Variants in SLC22A3 observed in about 807,000 individuals in gnomAD.
The protein encoded by SLC22A3 is solute carrier family 22 member 3.
SLC22A3 carries 51 observed loss-of-function variants against 59.1 expected under a neutral mutation model. That is an observed-to-expected ratio of 0.86 (90% CI 0.69 to 1.09). The LOEUF (loss-of-function observed/expected upper bound fraction) is 1.09. Among genes scored for constraint, SLC22A3 ranks in the 50% least tolerant of loss-of-function variants. The pLI is 0.00. For missense variants in SLC22A3, 711 were observed against 726.3 expected (o/e 0.98, Z 0.24); for synonymous variants, 325 against 292.0 (o/e 1.11, Z -1.15).
chr6:160,388,297 T>C (rs1317994110), intron 1 of SLC22A3, among the ~76,000 whole-genome samples: 1 of 151,992 alleles, frequency 6.6e-6, no homozygotes, highest in Non-Finnish European at 1.5e-5. Context: ...AGTGTACAAT[T>C]AGAAAAAAAA....
At chr6:160,351,756 G>A (rs1166518942) in intron 1 of SLC22A3, among the ~76,000 whole-genome samples, 1 of 152,188 alleles carries the variant, frequency 6.6e-6, no homozygotes, top group African/African-American at 2.4e-5. Flanking sequence ...CCTCCATATA[G>A]CTATAATACT....
intron 1 of SLC22A3, among the ~76,000 whole-genome samples, chr6:160,356,007 G>A (rs1263351082): frequency 1.3e-5 from 2 of 152,142 alleles, no homozygotes; most frequent in Admixed American, 6.5e-5. Context: ...CTAGCCTAAC[G>A]CAGTGTTTGG....
intron 5 of SLC22A3, among the ~76,000 whole-genome samples, chr6:160,411,613 G>A (rs371189262): frequency 2.0e-5 from 3 of 152,060 alleles, no homozygotes; most frequent in East Asian, 3.9e-4. Flanking sequence ...ATGGTGGCAC[G>A]CACCTGTTGT....
intron 1 of SLC22A3, among the ~76,000 whole-genome samples, chr6:160,352,805 T>C (rs1391734014): frequency 2.0e-5 from 3 of 152,166 alleles, no homozygotes; most frequent in Non-Finnish European, 4.4e-5. Flanking sequence ...AAAAGTGTTT[T>C]AATAGTGTAA....
At chr6:160,351,220 A>G (rs1323355877) in intron 1 of SLC22A3, among the ~76,000 whole-genome samples, 1 of 152,100 alleles carries the variant, frequency 6.6e-6, no homozygotes, top group Non-Finnish European at 1.5e-5. Flanking sequence ...GGTTCCTGCC[A>G]TTCTCCTGCC....
At chr6:160,394,424 A>G (rs1199834758) in intron 1 of SLC22A3, among the ~76,000 whole-genome samples, 2 of 152,218 alleles carry the variant, frequency 1.3e-5, no homozygotes, top group Non-Finnish European at 2.9e-5. Context: ...ATCAGCAGGC[A>G]GGCAGCAAGC....
Position 160,415,189 on chromosome 6 carries a change from C to T in SLC22A3, c.975+4343C>T, listed in dbSNP as rs1053003968. Among the ~76,000 whole-genome samples, 2 of 152,174 alleles carry T rather than the reference C, an allele frequency of 1.3e-5. No homozygotes were observed. Among genetic ancestry groups the T allele is most frequent in the Middle Eastern group, 3.2e-3 (1 of 316 alleles). ...GATTTAACATTTAAGTTTAAAACAC[C>T]TTGCTAAAAGCGGAATTCAGCCACA... is the stretch of plus-strand genomic sequence containing the variant. On this transcript the variant is annotated intron_variant, in intron 5 of 10. Coordinates refer to ENST00000275300, the MANE Select transcript of SLC22A3 (RefSeq NM_021977.4). The surrounding 1 kb of genome is among the most constrained non-coding windows in gnomAD (Gnocchi z 4.1).
At chr6:160,417,640 G>A (rs979075298) in intron 5 of SLC22A3, among the ~76,000 whole-genome samples, 3 of 152,214 alleles carry the variant, frequency 2.0e-5, no homozygotes, top group African/African-American at 7.2e-5. Context: ...GTCTATAAAT[G>A]TTGGGCATGG....
At chr6:160,445,061 T>A (rs377091998) in intron 9 of SLC22A3, among the ~76,000 whole-genome samples, 2 of 152,206 alleles carry the variant, frequency 1.3e-5, no homozygotes, top group East Asian at 1.9e-4. Flanking sequence ...CACAGCCCAG[T>A]GGCAGGCAGG....
At chr6:160,354,657 TA>T (rs1448320374) in intron 1 of SLC22A3, among the ~76,000 whole-genome samples, 3 of 152,162 alleles carry the variant, frequency 2.0e-5, no homozygotes, top group Non-Finnish European at 4.4e-5. Context: ...TTAAAATTTT[TA>T]AAAAATTGGC....
At chr6:160,373,836 A>G (rs991906303) in intron 1 of SLC22A3, among the ~76,000 whole-genome samples, 4 of 152,214 alleles carry the variant, frequency 2.6e-5, no homozygotes, top group Admixed American at 1.3e-4. Context: ...CTCAAGCCTC[A>G]GTAATGATGG....
intron 1 of SLC22A3, among the ~76,000 whole-genome samples, chr6:160,361,233 T>C (rs1310056151): frequency 6.6e-6 from 1 of 152,210 alleles, no homozygotes; most frequent in Non-Finnish European, 1.5e-5. Flanking sequence ...CCTATCACCA[T>C]GTACAAAGGT....
chr6:160,391,845 C>G (rs967361008), intron 1 of SLC22A3, among the ~76,000 whole-genome samples: 2 of 152,134 alleles, frequency 1.3e-5, no homozygotes, highest in African/African-American at 4.8e-5. Context: ...ATTATTCAAA[C>G]AGATTTAATA....
intron 5 of SLC22A3, chr6:160,426,299 C>G: frequency 2.0e-6 from 2 of 985,328 alleles, no homozygotes; most frequent in Non-Finnish European, 2.4e-6. Context: ...TCCGAGATGA[C>G]AGTGGTTTTG....
chr6:160,443,247 C>A (rs971549997), intron 8 of SLC22A3, among the ~76,000 whole-genome samples: 1 of 152,190 alleles, frequency 6.6e-6, no homozygotes, highest in Admixed American at 6.5e-5. Flanking sequence ...CAGTGGTGAG[C>A]AGCTGGTTAT....
chr6:160,411,283 T>G (rs1787238436), intron 5 of SLC22A3, among the ~76,000 whole-genome samples: 1 of 152,172 alleles, frequency 6.6e-6, no homozygotes, highest in African/African-American at 2.4e-5. Flanking sequence ...AGTTTGGCCC[T>G]GAAAAAAAAT....
At chr6:160,433,448 G>A (rs1013187579) in intron 5 of SLC22A3, among the ~76,000 whole-genome samples, 4 of 152,114 alleles carry the variant, frequency 2.6e-5, no homozygotes, top group Non-Finnish European at 4.4e-5. Flanking sequence ...TTTGGGAGGC[G>A]AAGTCAGGAG....
At position 160,417,647 on chromosome 6, in the gene SLC22A3, A is replaced by T. The variant is rs186281427; in HGVS notation, c.975+6801A>T. Among the ~76,000 whole-genome samples the T allele has an allele frequency of 1.8e-4, 28 of 152,336 alleles. No homozygotes were observed. In the East Asian group the frequency reaches 5.0e-3, roughly 27 times the overall value. ...CTTCCTGGGTCTATAAATGTTGGGC[A>T]TGGCAATGATATTGCTTTGGCCTCA... On this transcript the variant is annotated intron_variant, in intron 5 of 10. Transcript: ENST00000275300.
At chr6:160,411,326 G>A (rs1437624190) in intron 5 of SLC22A3, among the ~76,000 whole-genome samples, 2 of 152,132 alleles carry the variant, frequency 1.3e-5, no homozygotes, top group Non-Finnish European at 2.9e-5. Context: ...GAGCAGTAAT[G>A]TAATATTTCA....
Sources: allele counts gnomAD v4.1 joint callset (sites outside exome capture counted in the v4.1 genomes callset), GRCh38; gene constraint gnomAD v4.1.1; non-coding constraint Gnocchi (gnomAD v3.1); transcripts MANE v1.5; gene names NCBI Gene and HGNC (gene_info 2026-07-23, HGNC 2026-07-21).